Variants in FMNL2 observed in about 807,000 individuals in gnomAD.
FMNL2 encodes the protein formin like 2, also known as formin-like protein 2.
In FMNL2, 51 loss-of-function variants were observed where a neutral mutation model predicts 130.2. That is an observed-to-expected ratio of 0.39 (90% CI 0.31 to 0.49). FMNL2 has a LOEUF of 0.49. Among genes scored for constraint, FMNL2 ranks in the 20% least tolerant of loss-of-function variants. The pLI is 0.85. For synonymous variants in FMNL2, 465 were observed against 467.1 expected (o/e 1.00, Z 0.06); for missense variants, 977 against 1,316.2 (o/e 0.74, Z 3.99).
chr2:152,634,906 C>G (rs888952233), intron 21 of FMNL2, among the ~76,000 whole-genome samples: 44 of 152,062 alleles, frequency 2.9e-4, no homozygotes, highest in African/African-American at 1.0e-3. Flanking sequence ...CAGCAGACCA[C>G]CAAATGGTGA....
Position 152,335,523 on chromosome 2 carries a change from G to T in FMNL2, c.-81G>T, listed in dbSNP as rs895595110. Reference sequence around the variant, plus strand: ...GGGCAGGTCGCGCCTGCGGGCGGCAGCCGACCGCCGGGAGCTGTTCTGATT... The same window carrying T: ...GGGCAGGTCGCGCCTGCGGGCGGCATCCGACCGCCGGGAGCTGTTCTGATT... On this transcript the variant is annotated 5_prime_UTR_variant, in exon 1 of 26. Coordinates refer to ENST00000288670, the MANE Select transcript of FMNL2 (RefSeq NM_052905.4). 2 of 1,182,844 alleles carry T rather than the reference G, an allele frequency of 1.7e-6. No homozygotes were observed. The highest frequency in any genetic ancestry group is 2.8e-5 in the Admixed American group (1 of 35,516). 73.3% of individuals were successfully genotyped at this position (1,182,844 alleles called of 1,614,324 possible). A position where few individuals can be genotyped will look rare whatever the true frequency, so the allele number is the denominator to read the frequency against.
intron 1 of FMNL2, among the ~76,000 whole-genome samples, chr2:152,347,292 C>T (rs900713193): frequency 3.9e-5 from 6 of 152,108 alleles, no homozygotes; most frequent in Non-Finnish European, 5.9e-5. Context: ...CAGGATTGTG[C>T]CTTGTGGTCT....
chr2:152,593,894 TGTGTGTGTGAGA>T lies in FMNL2; in HGVS notation c.876+12847_876+12858del, dbSNP rs758042454. ...GTGTGTGTGTGTGTGTGTGTGTGTG[TGTGTGTGTGAGA>T]GAGAGAGAGAGAGAGAGAGAGCGAG... On this transcript the variant is annotated intron_variant, in intron 9 of 25. Transcript: ENST00000288670. Among the ~76,000 whole-genome samples the T allele has an allele frequency of 3.7e-3, 410 of 112,036 alleles. 1 individual carries two copies. Among genetic ancestry groups the T allele is most frequent in the East Asian group, 0.015 (55 of 3,760 alleles). 73.5% of individuals were successfully genotyped at this position (112,036 alleles called of 152,430 possible).
intron 21 of FMNL2, among the ~76,000 whole-genome samples, chr2:152,634,975 T>G (rs1043392114): frequency 6.6e-6 from 1 of 152,166 alleles, no homozygotes. Context: ...TGGAGCTGCT[T>G]CTTGGTCCAA....
intron 9 of FMNL2, among the ~76,000 whole-genome samples, chr2:152,582,815 T>C (rs909232569): frequency 1.3e-5 from 2 of 152,218 alleles, no homozygotes; most frequent in Admixed American, 1.3e-4. Context: ...TGAGTACTTT[T>C]CACATTGGAA....
At chr2:152,562,165 C>T (rs1386279253) in intron 6 of FMNL2, among the ~76,000 whole-genome samples, 1 of 152,158 alleles carries the variant, frequency 6.6e-6, no homozygotes, top group Non-Finnish European at 1.5e-5. Context: ...GTAACGGTTT[C>T]TGTGGTTCAT....
Position 152,648,257 on chromosome 2 carries a change from A to C in FMNL2, c.*352A>C. 1 of 203,282 alleles carries C rather than the reference A, an allele frequency of 4.9e-6. No homozygotes were observed. 12.6% of individuals were successfully genotyped at this position (203,282 alleles called of 1,614,324 possible). ...CCCACCTGGTTTCCTGATGTTGTAA[A>C]TAACATCAATGCATCTGCTGTGGGT... On this transcript the variant is annotated 3_prime_UTR_variant, in exon 26 of 26. Coordinates refer to ENST00000288670, the MANE Select transcript of FMNL2 (RefSeq NM_052905.4).
rs377409006 is a variant in FMNL2 at position 152,537,313 on chromosome 2, G to A, written c.202-5426G>A. On this transcript the variant is annotated intron_variant, in intron 2 of 25. Transcript: ENST00000288670. ...TTGGTCATTAAGTGGAGTCCAATAAGTGTTTTGTTTTTTCCTTGTCTGCAA... is the reference window on the plus strand; with the variant it reads ...TTGGTCATTAAGTGGAGTCCAATAAATGTTTTGTTTTTTCCTTGTCTGCAA... 3.9e-5 allele frequency among the ~76,000 whole-genome samples: 6 copies of A among 152,320 alleles called. No individual in the cohort carries two copies. The South Asian group carries it at 1.2e-3, about 32-fold the overall frequency.
chr2:152,616,042 G>A (rs558934734), intron 12 of FMNL2, among the ~76,000 whole-genome samples: 1 of 152,260 alleles, frequency 6.6e-6, no homozygotes, highest in South Asian at 2.1e-4. Context: ...GAAGATTTGT[G>A]TTATATGCTG....
chr2:152,515,100 C>T (rs1420675756), intron 1 of FMNL2, among the ~76,000 whole-genome samples: 1 of 152,132 alleles, frequency 6.6e-6, no homozygotes, highest in Non-Finnish European at 1.5e-5. Context: ...CTCCAAAGCC[C>T]ACACATTAGA....
At chr2:152,456,549 C>T (rs1463973794) in intron 1 of FMNL2, among the ~76,000 whole-genome samples, 1 of 152,200 alleles carries the variant, frequency 6.6e-6, no homozygotes, top group East Asian at 1.9e-4. Context: ...TGGCTTCTTG[C>T]TTCTGAAGAA....
chr2:152,362,405 C>T (rs911115990), intron 1 of FMNL2, among the ~76,000 whole-genome samples: 6 of 152,246 alleles, frequency 3.9e-5, no homozygotes, highest in South Asian at 2.1e-4. Flanking sequence ...TCACTTTCTT[C>T]GCTGGGCTTC....
chr2:152,468,575 G>C (rs1188911384), intron 1 of FMNL2, among the ~76,000 whole-genome samples: 1 of 151,906 alleles, frequency 6.6e-6, no homozygotes, highest in Non-Finnish European at 1.5e-5. Context: ...AGCTTATTTT[G>C]CATTTTTTCC....
intron 6 of FMNL2, among the ~76,000 whole-genome samples, chr2:152,569,704 TAA>T (rs773973729): frequency 1.0e-4 from 13 of 126,310 alleles, no homozygotes; most frequent in Admixed American, 1.6e-4. Flanking sequence ...AAAAGGAAGT[TAA>T]AAAAAAAAAA....
At chr2:152,529,913 T>A (rs1461089789) in intron 2 of FMNL2, among the ~76,000 whole-genome samples, 1 of 152,192 alleles carries the variant, frequency 6.6e-6, no homozygotes, top group African/African-American at 2.4e-5. Context: ...AAGGGCTTAG[T>A]CTCGTTTGAA....
intron 1 of FMNL2, among the ~76,000 whole-genome samples, chr2:152,432,848 C>A (rs1274511293): frequency 6.6e-6 from 1 of 152,218 alleles, no homozygotes; most frequent in Non-Finnish European, 1.5e-5. Flanking sequence ...GGATCCATCT[C>A]CTGAGAGCTG....
At position 152,619,616 on chromosome 2, in the gene FMNL2, G is replaced by T; in HGVS notation, c.1735G>T (p.Ala579Ser). 7.4e-7 allele frequency: 1 copy of T among 1,342,568 alleles called. No individual in the cohort carries two copies. The highest frequency in any genetic ancestry group is 9.8e-7 in the Non-Finnish European group (1 of 1,018,820). The allele number at this position is 1,342,568 out of a possible 1,614,324, so 83.2% of individuals were successfully genotyped here. The change falls in exon 15 of 26, where the codon GCT becomes TCT. Residue 579 changes from alanine to serine, a missense_variant. By Grantham distance (99) the Ala-to-Ser change is moderately conservative. Transcript: ENST00000288670. ...PPPPPLPGPA[A>S]ETVPAPPLAP... is the part of the protein sequence containing the mutation. ...GCCTCCTCCTCTCCCAGGCCCTGCAGCTGAGACTGTACCAGCTCCTCCCTT... is the reference window on the plus strand; with the variant it reads ...GCCTCCTCCTCTCCCAGGCCCTGCATCTGAGACTGTACCAGCTCCTCCCTT...
intron 2 of FMNL2, among the ~76,000 whole-genome samples, chr2:152,537,487 G>A (rs751165850): frequency 1.3e-5 from 2 of 152,102 alleles, no homozygotes; most frequent in African/African-American, 2.4e-5. Context: ...ACACAGCTGC[G>A]GCTCATCAGC....
At chr2:152,584,967 G>T (rs563559916) in intron 9 of FMNL2, among the ~76,000 whole-genome samples, 219 of 152,244 alleles carry the variant, frequency 1.4e-3, no homozygotes, top group African/African-American at 5.0e-3. Context: ...TGGGATTGGG[G>T]TCTAAGCCTG....
Sources: gnomAD v4.1 joint callset for allele counts (sites outside exome capture counted in the v4.1 genomes callset) on GRCh38, gnomAD v4.1.1 for gene constraint, MANE v1.5 for transcripts, NCBI Gene and HGNC (gene_info 2026-07-23, HGNC 2026-07-21) for gene names.